Variants in ZFP64 observed in about 807,000 individuals in gnomAD.
The protein encoded by ZFP64 is ZFP64 zinc finger protein, also known as zinc finger protein 64.
A neutral mutation model predicts 51.6 loss-of-function variants in ZFP64; 14 were observed. The observed-to-expected ratio is 0.27, with a 90% CI of 0.18 to 0.42. ZFP64 has a LOEUF of 0.42. Among genes scored for constraint, ZFP64 ranks in the 10% least tolerant of loss-of-function variants. The probability of loss-of-function intolerance (pLI) is 1.00; values close to 1 mark genes in which losing one functional copy is unlikely to be tolerated. For missense variants in ZFP64, 754 were observed against 906.8 expected (o/e 0.83, Z 2.16); for synonymous variants, 375 against 361.4 (o/e 1.04, Z -0.43).
Position 52,164,711 on chromosome 20 carries a change from A to G in ZFP64, c.495T>C (p.His165=), listed in dbSNP as rs144422003. 6.2e-7 allele frequency: 1 copy of G among 1,614,030 alleles called. No individual in the cohort carries two copies. The highest frequency in any genetic ancestry group is 2.2e-5 in the East Asian group (1 of 44,870). Reference sequence around the variant, plus strand: ...GCTACTTACCCGTGTGAATTTTTAAATGCCGCTCCATGTCCTTCATGCCAT... The same window carrying G: ...GCTACTTACCCGTGTGAATTTTTAAGTGCCGCTCCATGTCCTTCATGCCAT... ...TAYGMKDMER[H]LKIHTGDKPH... The change falls in exon 4 of 6, where the codon CAT becomes CAC. Residue 165 remains histidine, a synonymous_variant. Transcript: ENST00000216923.
At chr20:52,188,308 C>CTTTTTTT (rs1164512289) in intron 1 of ZFP64, among the ~76,000 whole-genome samples, 22 of 104,224 alleles carry the variant, frequency 2.1e-4, no homozygotes, top group Non-Finnish European at 3.4e-4. Flanking sequence ...CTTTTTCTTT[C>CTTTTTTT]TTTTTTTTTT....
intron 8 of ZFP64, among the ~76,000 whole-genome samples, chr20:52,087,225 T>A (rs1317766756): frequency 6.6e-6 from 1 of 152,176 alleles, no homozygotes; most frequent in Non-Finnish European, 1.5e-5. Flanking sequence ...CCCCTTAGAA[T>A]TGTGGACTTC....
intron 2 of ZFP64, among the ~76,000 whole-genome samples, chr20:52,183,650 T>C (rs1271549217): frequency 1.3e-5 from 2 of 152,122 alleles, no homozygotes; most frequent in African/African-American, 2.4e-5. Flanking sequence ...GAAGATAAAC[T>C]CAGGAGACAG....
chr20:52,139,636 C>G (rs1980155553), intron 5 of ZFP64, among the ~76,000 whole-genome samples: 1 of 151,766 alleles, frequency 6.6e-6, no homozygotes, highest in Admixed American at 6.6e-5. Context: ...GCACATGTAC[C>G]CCCTAAACCT....
At chr20:52,097,948 G>A (rs189437414) in intron 6 of ZFP64, among the ~76,000 whole-genome samples, 2 of 152,034 alleles carry the variant, frequency 1.3e-5, no homozygotes, top group Admixed American at 1.3e-4. Flanking sequence ...CATGCCTGTA[G>A]TCCCAACTAC....
chr20:52,151,125 T>G (rs1008415968), downstream of ZFP64, among the ~76,000 whole-genome samples: 3 of 152,208 alleles, frequency 2.0e-5, no homozygotes, highest in Admixed American at 6.5e-5. Context: ...AGGTACCACA[T>G]CTATTTAATG....
At chr20:52,133,676 G>A (rs1979832069) in intron 5 of ZFP64, among the ~76,000 whole-genome samples, 1 of 152,030 alleles carries the variant, frequency 6.6e-6, no homozygotes, top group Admixed American at 6.5e-5. Flanking sequence ...CTTCCTGATG[G>A]GCCCACTTCA....
chr20:52,084,846 G>A, exon 9 of ZFP64: 1 of 1,614,032 alleles, frequency 6.2e-7, no homozygotes, highest in Non-Finnish European at 8.5e-7. Context: ...CTCCGTCTTG[G>A]CCTCGTCCCT....
At chr20:52,092,374 G>GA (rs2078937298) in intron 7 of ZFP64, among the ~76,000 whole-genome samples, 1 of 152,080 alleles carries the variant, frequency 6.6e-6, no homozygotes, top group Non-Finnish European at 1.5e-5. Context: ...TGTTCCCTTG[G>GA]GGGGTGAAAT....
chr20:52,153,803 C>T lies in ZFP64; in HGVS notation c.764-375G>A, dbSNP rs1981084266. On this transcript the variant is annotated intron_variant, in intron 5 of 5. Coordinates refer to ENST00000216923, the MANE Select transcript of ZFP64 (RefSeq NM_018197.3). The surrounding 1 kb of genome is among the most constrained non-coding windows in gnomAD (Gnocchi z 5.1). The stretch of plus-strand genomic sequence containing the variant: ...CACAGTTGAAGACTTTTGCACAACC[C>T]GTTGATTTTGATTGAGTTACATGTT... Among the ~76,000 whole-genome samples the T allele has an allele frequency of 6.6e-6, 1 of 152,174 alleles. No individual in the cohort carries two copies. Among genetic ancestry groups the T allele is most frequent in the Non-Finnish European group, 1.5e-5 (1 of 68,028 alleles).
chr20:52,127,552 T>C (rs1176208456), intron 5 of ZFP64, among the ~76,000 whole-genome samples: 1 of 152,176 alleles, frequency 6.6e-6, no homozygotes, highest in African/African-American at 2.4e-5. Flanking sequence ...GGTGCCTTGC[T>C]TCCCCTTTGC....
chr20:52,184,044 T>G (rs1302552684), intron 2 of ZFP64, among the ~76,000 whole-genome samples: 3 of 152,106 alleles, frequency 2.0e-5, no homozygotes, highest in African/African-American at 7.2e-5. Flanking sequence ...AGAGATGAGT[T>G]TCACCATGTT....
chr20:52,175,360 C>A (rs1400693024), intron 2 of ZFP64, among the ~76,000 whole-genome samples: 1 of 152,100 alleles, frequency 6.6e-6, no homozygotes, highest in Non-Finnish European at 1.5e-5. Flanking sequence ...CAGACTCAAG[C>A]GATCCTCCCT....
chr20:52,104,655 G>A (rs553053951), intron 5 of ZFP64: 3 of 471,288 alleles, frequency 6.4e-6, no homozygotes, highest in Admixed American at 4.7e-5. Flanking sequence ...CCGGGTACCT[G>A]CACAGCTCGC....
chr20:52,109,831 C>T (rs944320027), intron 5 of ZFP64, among the ~76,000 whole-genome samples: 1 of 147,644 alleles, frequency 6.8e-6, no homozygotes, highest in South Asian at 2.2e-4. Flanking sequence ...ATTTTAAACA[C>T]GTAGACTGAG....
chr20:52,154,470 T>C (rs1981143138), intron 5 of ZFP64, among the ~76,000 whole-genome samples: 1 of 152,182 alleles, frequency 6.6e-6, no homozygotes, highest in Non-Finnish European at 1.5e-5. Context: ...CTTTAGATGC[T>C]AGGTAATTAT....
intron 2 of ZFP64, among the ~76,000 whole-genome samples, chr20:52,174,574 T>G (rs1296146648): frequency 6.6e-6 from 1 of 152,102 alleles, no homozygotes; most frequent in Non-Finnish European, 1.5e-5. Context: ...ATGAAACACT[T>G]TTGCCATGTT....
At chr20:52,146,712 T>A (rs1289806412), downstream of ZFP64, among the ~76,000 whole-genome samples, 1 of 152,240 alleles carries the variant, frequency 6.6e-6, no homozygotes, top group Non-Finnish European at 1.5e-5. Context: ...ACATGTACCC[T>A]AAAACTTAAA....
chr20:52,132,902 C>CAA (rs77290230), intron 5 of ZFP64, among the ~76,000 whole-genome samples: 78 of 151,372 alleles, frequency 5.2e-4, no homozygotes, highest in Non-Finnish European at 8.7e-4. Flanking sequence ...AAAAACACAT[C>CAA]AAAAAAAAGA....
Sources: gnomAD v4.1 joint callset for allele counts (sites outside exome capture counted in the v4.1 genomes callset) on GRCh38, gnomAD v4.1.1 for gene constraint, Gnocchi (gnomAD v3.1) non-coding constraint, MANE v1.5 for transcripts, NCBI Gene and HGNC (gene_info 2026-07-23, HGNC 2026-07-21) for gene names.